Variants in KCNIP4 observed in about 807,000 individuals in gnomAD.
The protein encoded by KCNIP4 is potassium voltage-gated channel interacting protein 4.
Under a neutral mutation model 34.0 loss-of-function variants are expected in KCNIP4, and 12 were observed. The ratio of observed to expected loss-of-function variants is 0.35; its 90% CI spans 0.23 to 0.57. The LOEUF (loss-of-function observed/expected upper bound fraction) is 0.57. Among genes scored for constraint, KCNIP4 ranks in the 20% least tolerant of loss-of-function variants. The pLI is 0.83. For missense variants in KCNIP4, 238 were observed against 311.7 expected (o/e 0.76, Z 1.78); for synonymous variants, 124 against 102.2 (o/e 1.21, Z -1.29).
Position 20,904,340 on chromosome 4 carries a change from T to TAC in KCNIP4, c.62-21632_62-21631insGT, listed in dbSNP as rs1465249720. 9.4e-5 allele frequency among the ~76,000 whole-genome samples: 14 copies of TAC among 148,946 alleles called. No individual in the cohort carries two copies. In the East Asian group the frequency reaches 2.3e-3, roughly 25 times the overall value. ...ATGTATGTGTGTGTGTGTATATATATATATATATACAGATATATAGATATA... is the reference window on the plus strand; with the variant it reads ...ATGTATGTGTGTGTGTGTATATATATACATATATATACAGATATATAGATATA... On this transcript the variant is annotated intron_variant, in intron 1 of 8. Transcript: ENST00000382152.
chr4:21,105,825 A>G (rs1748466560), intron 1 of KCNIP4, among the ~76,000 whole-genome samples: 1 of 151,638 alleles, frequency 6.6e-6, no homozygotes, highest in South Asian at 2.1e-4. Context: ...AATTTTGTCC[A>G]AGGCCTTTTC....
At chr4:20,887,669 A>C (rs1364481709) in intron 1 of KCNIP4, among the ~76,000 whole-genome samples, 1 of 152,210 alleles carries the variant, frequency 6.6e-6, no homozygotes, top group Admixed American at 6.5e-5. Flanking sequence ...AAGTTGAAAT[A>C]AAGATACTTT....
intron 1 of KCNIP4, among the ~76,000 whole-genome samples, chr4:21,064,717 G>T (rs28497640): frequency 0.023 from 3,541 of 152,156 alleles, 126 homozygotes; most frequent in African/African-American, 0.08. Flanking sequence ...TGCTATTCAA[G>T]GGCCAGGGAT....
intron 1 of KCNIP4, among the ~76,000 whole-genome samples, chr4:20,961,548 A>G (rs775478659): frequency 2.0e-5 from 3 of 152,244 alleles, no homozygotes; most frequent in Non-Finnish European, 4.4e-5. Context: ...TAAAAAAAAC[A>G]AAAGGAAATT....
chr4:21,503,897 T>C (rs1035807016), intron 1 of KCNIP4, among the ~76,000 whole-genome samples: 20 of 152,226 alleles, frequency 1.3e-4, no homozygotes, highest in African/African-American at 4.8e-4. Flanking sequence ...TTTCAGCTTT[T>C]GATTTCTGAA....
chr4:21,917,634 T>C (rs1728710053), intron 1 of KCNIP4, among the ~76,000 whole-genome samples: 2 of 139,764 alleles, frequency 1.4e-5, no homozygotes, highest in African/African-American at 4.9e-5. Context: ...TGTGACCTTG[T>C]TGTGTCATTC....
chr4:21,062,779 G>C (rs2108975910), intron 1 of KCNIP4, among the ~76,000 whole-genome samples: 1 of 152,192 alleles, frequency 6.6e-6, no homozygotes, highest in African/African-American at 2.4e-5. Context: ...GAATTTGAAG[G>C]CAAGAACAAT....
intron 1 of KCNIP4, among the ~76,000 whole-genome samples, chr4:21,492,531 C>A (rs1488531547): frequency 6.6e-6 from 1 of 152,114 alleles, no homozygotes; most frequent in Non-Finnish European, 1.5e-5. Context: ...GCCCACATAT[C>A]ATTATTGGTT....
At chr4:21,269,790 G>A (rs1380672345) in intron 1 of KCNIP4, among the ~76,000 whole-genome samples, 1 of 151,986 alleles carries the variant, frequency 6.6e-6, no homozygotes, top group Non-Finnish European at 1.5e-5. Context: ...CTCAAAAGTT[G>A]GGGGGAAGAA....
In KCNIP4 at chr4:21,565,410, T is replaced by C. The variant is rs74829952; in HGVS notation, c.61+383161A>G. ...CTCCAAGGAGCCCCACCTGTAAAAA[T>C]GATCACATTGGGTGTTAAGGCTTCA... On this transcript the variant is annotated intron_variant, in intron 1 of 8. Coordinates refer to ENST00000382152, the MANE Select transcript of KCNIP4 (RefSeq NM_025221.6). Among the ~76,000 whole-genome samples the C allele has an allele frequency of 3.7e-4, 56 of 152,212 alleles. 1 individual carries two copies. The highest frequency in any genetic ancestry group is 1.3e-3 in the African/African-American group (54 of 41,532).
chr4:20,736,020 A>G (rs1372009049), intron 5 of KCNIP4, among the ~76,000 whole-genome samples: 1 of 152,150 alleles, frequency 6.6e-6, no homozygotes, highest in Non-Finnish European at 1.5e-5. Flanking sequence ...ATTTCTCAAA[A>G]TGTTTTTTCT....
intron 1 of KCNIP4, among the ~76,000 whole-genome samples, chr4:21,563,237 T>G (rs1211117694): frequency 6.6e-6 from 1 of 152,060 alleles, no homozygotes; most frequent in Non-Finnish European, 1.5e-5. Context: ...AAAAAATGAT[T>G]CAAACACAAA....
intron 1 of KCNIP4, among the ~76,000 whole-genome samples, chr4:21,566,438 G>C (rs1251417074): frequency 6.6e-6 from 1 of 152,052 alleles, no homozygotes; most frequent in East Asian, 1.9e-4. Flanking sequence ...GTTCTCAGGA[G>C]ATCTGGTTGT....
At position 21,566,067 on chromosome 4, in the gene KCNIP4, C is replaced by T. The variant is rs780800583; in HGVS notation, c.61+382504G>A. Among the ~76,000 whole-genome samples, 136 of 152,262 alleles carry T rather than the reference C, an allele frequency of 8.9e-4. 3 individuals are homozygous for T. Among genetic ancestry groups the T allele is most frequent in the Admixed American group, 2.6e-4 (4 of 15,290 alleles). On this transcript the variant is annotated intron_variant, in intron 1 of 8. Coordinates refer to ENST00000382152, the MANE Select transcript of KCNIP4 (RefSeq NM_025221.6). ...TGGGAGACAGGAATTGTTGGAGCAA[C>T]AGTCACATACAGGAACAGGTAAAGA...
chr4:20,843,669 T>G (rs10938810), intron 3 of KCNIP4, among the ~76,000 whole-genome samples: 58,989 of 151,684 alleles, frequency 0.39, 11,913 homozygotes, highest in Non-Finnish European at 0.46. Flanking sequence ...GGTGGAGTTT[T>G]CAGTGAGTGG....
chr4:21,336,823 T>C (rs1268487566), intron 1 of KCNIP4, among the ~76,000 whole-genome samples: 6 of 152,270 alleles, frequency 3.9e-5, no homozygotes, highest in Middle Eastern at 3.4e-3. Flanking sequence ...CTTGACTTTA[T>C]GATGCTCTCT....
At chr4:21,649,988 C>A (rs1385588015) in intron 1 of KCNIP4, among the ~76,000 whole-genome samples, 1 of 152,226 alleles carries the variant, frequency 6.6e-6, no homozygotes, top group Non-Finnish European at 1.5e-5. Context: ...TTTGGCCTTT[C>A]CATCCTCACG....
chr4:20,835,514 C>A (rs556127161), intron 3 of KCNIP4, among the ~76,000 whole-genome samples: 1 of 151,852 alleles, frequency 6.6e-6, no homozygotes, highest in African/African-American at 2.4e-5. Context: ...GTTAATCATA[C>A]CTAAAGTATT....
chr4:21,363,569 G>A (rs150175137), intron 1 of KCNIP4, among the ~76,000 whole-genome samples: 1 of 152,002 alleles, frequency 6.6e-6, no homozygotes, highest in Non-Finnish European at 1.5e-5. Flanking sequence ...TAGCTCTTTG[G>A]GAAGTAGGCA....
Sources: allele counts gnomAD v4.1 joint callset (sites outside exome capture counted in the v4.1 genomes callset), GRCh38; gene constraint gnomAD v4.1.1; transcripts MANE v1.5; gene names NCBI Gene and HGNC (gene_info 2026-07-23, HGNC 2026-07-21).